The following PIGT variants were observed in gnomAD, a reference collection of about 807,000 sequenced individuals.
PIGT encodes the protein phosphatidylinositol glycan anchor biosynthesis class T, also known as GPI-anchor transamidase component PIGT.
PIGT carries 57 observed loss-of-function variants against 66.7 expected under a neutral mutation model. That is an observed-to-expected ratio of 0.86 (90% CI 0.69 to 1.07). The LOEUF is 1.07. PIGT is among the 50% of genes least tolerant of loss of function. The probability of loss-of-function intolerance (pLI) is 0.00; values close to 1 mark genes in which losing one functional copy is unlikely to be tolerated. For synonymous variants in PIGT, 362 were observed against 320.5 expected (o/e 1.13, Z -1.38); for missense variants, 725 against 740.4 (o/e 0.98, Z 0.24).
In PIGT at chr20:45,416,608, T is replaced by C. The variant is rs768183630; in HGVS notation, c.279T>C (p.Phe93=). The change falls in exon 2 of 12, where the codon TTT becomes TTC. Residue 93 remains phenylalanine, a synonymous_variant. Transcript: ENST00000279036. ...RELHLSFTQG[F]WRTRYWGPPF... ...TGCACCTGTCATTCACACAAGGCTT[T>C]TGGAGGACCCGATACTGGGGGCCAC... 6.2e-7 allele frequency: 1 copy of C among 1,614,222 alleles called. No individual in the cohort carries two copies. The highest frequency in any genetic ancestry group is 1.1e-5 in the South Asian group (1 of 91,090).
chr20:45,420,445 G>A lies in PIGT; in HGVS notation c.867+16G>A. The A allele has an allele frequency of 6.2e-7, 1 of 1,611,588 alleles. No individual in the cohort carries two copies. The highest frequency in any genetic ancestry group is 8.5e-7 in the Non-Finnish European group (1 of 1,178,420). ...CTACAACCAGGTAACAAGGTCTCCA[G>A]CCACACACACAAACACACCGCTGGT... is the stretch of plus-strand genomic sequence containing the variant. On this transcript the variant is annotated intron_variant, in intron 7 of 11. Coordinates refer to ENST00000279036, the MANE Select transcript of PIGT (RefSeq NM_015937.6).
intron 5 of PIGT, 29 bp from the exon 6 acceptor site, chr20:45,420,107 T>C (rs1196205597): frequency 2.0e-6 from 3 of 1,533,302 alleles, no homozygotes; most frequent in Non-Finnish European, 1.8e-6. Flanking sequence ...TGATACCCCC[T>C]CACTGCTGCC....
At chr20:45,416,414 G>A in intron 1 of PIGT, 71 bp downstream of exon 1, 6 of 1,554,490 alleles carry the variant, frequency 3.9e-6, no homozygotes, top group Non-Finnish European at 4.4e-6. Flanking sequence ...TGGGATGAAG[G>A]CAAACTTTGG....
rs1453729727 is a variant in PIGT, at chr20:45,416,312, G to C, written c.156G>C (p.Thr52=). Residue 52 remains threonine (T), a synonymous_variant, in exon 1 of 12, where the codon ACG becomes ACC. Transcript: ENST00000279036. ...GDVAATFQFR[T]RWDSELQREG... ...TAGCCGCCACATTCCAGTTCCGCAC[G>C]CGCTGGGATTCGGAGCTTCAGCGGG... 6.3e-7 allele frequency: 1 copy of C among 1,595,128 alleles called. No homozygotes were observed. The highest frequency in any genetic ancestry group is 8.6e-7 in the Non-Finnish European group (1 of 1,169,264).
rs1416702467 is a variant in PIGT at position 45,424,254 on chromosome 20, C to G, written c.1273C>G (p.Pro425Ala). 1.2e-6 allele frequency: 2 copies of G among 1,614,044 alleles called. No individual in the cohort carries two copies. Among genetic ancestry groups the G allele is most frequent in the Non-Finnish European group, 1.7e-6 (2 of 1,180,020 alleles). ...CCAGCCTGCCCAGGACCGGCTGCAA[C>G]CCCACCTCCTGGAGATGCTGATTCA... ...HYQPAQDRLQ[P>A]HLLEMLIQLP... Residue 425 changes from proline (P) to alanine (A), a missense_variant, in exon 10 of 12, where the codon CCC (proline) becomes GCC (alanine). By Grantham distance (27) the Pro-to-Ala change is conservative. Transcript: ENST00000279036.
chr20:45,425,379 T>A (rs916908967), intron 11 of PIGT, 195 bp from the exon 12 acceptor site: 1 of 589,852 alleles, frequency 1.7e-6, no homozygotes, highest in African/African-American at 1.9e-5. Context: ...CCTAATGCTC[T>A]CCCTCCCCTT....
chr20:45,420,269 G>T (rs746512712), intron 6 of PIGT, 46 bp downstream of exon 6: 2 of 1,595,142 alleles, frequency 1.3e-6, no homozygotes, highest in Admixed American at 1.7e-5. Flanking sequence ...TGCCAGCCCT[G>T]CCTTATCTAT....
chr20:45,425,611 C>T lies in PIGT; in HGVS notation c.1522C>T (p.Leu508Phe), dbSNP rs777158096. The change falls in exon 12 of 12, where the codon CTC becomes TTC. Residue 508 changes from leucine to phenylalanine, a missense_variant. This residue lies in a region of PIGT where 162 missense variants were observed against 171.1 expected (regional missense o/e 0.95). Coordinates refer to ENST00000279036, the MANE Select transcript of PIGT (RefSeq NM_015937.6). ...TGATGGCTCTAACTACTTTGTGCGG[C>T]TCTACACGGAGCCGCTGCTGGTGAA... is the stretch of plus-strand genomic sequence containing the variant. ...VSDGSNYFVR[L>F]YTEPLLVNLP... The T allele has an allele frequency of 1.2e-6, 2 of 1,613,820 alleles. No individual in the cohort carries two copies. Among genetic ancestry groups the T allele is most frequent in the South Asian group, 2.2e-5 (2 of 91,070 alleles).
intron 11 of PIGT, 137 bp downstream of exon 11, chr20:45,424,716 A>G (rs1990603165): frequency 7.7e-6 from 5 of 648,066 alleles, no homozygotes; most frequent in Non-Finnish European, 1.4e-5. Context: ...ATTCAATCCT[A>G]ATAAAAATCC....
At chr20:45,416,378 C>T (rs764092154) in intron 1 of PIGT, 35 bp downstream of exon 1, 50 of 1,555,982 alleles carry the variant, frequency 3.2e-5, no homozygotes, top group Admixed American at 2.0e-4. Flanking sequence ...GAAAGATTTC[C>T]GTAGTGCCTG....
rs1989995540 is a variant in PIGT, at chr20:45,416,629, G to C, written c.300G>C (p.Gly100=). The C allele has an allele frequency of 6.2e-7, 1 of 1,614,156 alleles. No homozygotes were observed. Among genetic ancestry groups the C allele is most frequent in the African/African-American group, 1.3e-5 (1 of 75,048 alleles). The change falls in exon 2 of 12, where the codon GGG becomes GGC. Residue 100 remains glycine (G), a synonymous_variant. Transcript: ENST00000279036. The stretch of plus-strand genomic sequence containing the variant: ...GCTTTTGGAGGACCCGATACTGGGG[G>C]CCACCCTTCCTGCAGGCCCCATCAG... ...TQGFWRTRYW[G]PPFLQAPSGA...
chr20:45,422,023 T>A (rs973006129), intron 9 of PIGT: 1 of 152,228 alleles, frequency 6.6e-6, no homozygotes, highest in East Asian at 1.9e-4. Context: ...TAAATTTTTT[T>A]ATTTCTATTT....
Position 45,426,036 on chromosome 20 carries a change from C to G in PIGT, c.*210C>G, listed in dbSNP as rs975161404. ...TTAACTTAGAAATTCATTTCCTCAC[C>G]TGTAGTGGCCACCTCTATATTGAGG... On this transcript the variant is annotated 3_prime_UTR_variant, in exon 12 of 12. Transcript: ENST00000279036. 4.9e-6 allele frequency: 3 copies of G among 612,306 alleles called. No homozygotes were observed. The African/African-American group carries it at 5.5e-5, about 11-fold the overall frequency. The allele number at this position is 612,306 out of a possible 1,614,324, so 37.9% of individuals were successfully genotyped here.
chr20:45,425,790 C>CCTTATCCG lies in PIGT; in HGVS notation c.1702_1709dup (p.Arg571LeufsTer76), dbSNP rs1462670774. ...GTGGCCTGGCCAAGCGGCTGGCCAA[C>CCTTATCCG]CTTATCCGGCGCGCCCGAGGTGTCC... On this transcript the variant is annotated frameshift_variant, in exon 12 of 12. Coordinates refer to ENST00000279036, the MANE Select transcript of PIGT (RefSeq NM_015937.6). LOFTEE classifies it high-confidence loss of function. 3 of 1,613,974 alleles carry CCTTATCCG rather than the reference C, an allele frequency of 1.9e-6. No homozygotes were observed. The highest frequency in any genetic ancestry group is 2.5e-6 in the Non-Finnish European group (3 of 1,179,902).
chr20:45,423,987 T>C (rs760974647), intron 9 of PIGT: 1 of 557,162 alleles, frequency 1.8e-6, no homozygotes, highest in Non-Finnish European at 3.2e-6. Context: ...TGATTAGCCA[T>C]CTGCAGCACT....
intron 9 of PIGT, chr20:45,422,374 T>G (rs948044302): frequency 2.0e-5 from 3 of 152,188 alleles, no homozygotes; most frequent in Admixed American, 1.3e-4. Context: ...CTTTTAAATC[T>G]TCTCCTTTGG....
chr20:45,416,189 C>T lies in PIGT; in HGVS notation c.33C>T (p.Val11=), dbSNP rs17526473. 5.2e-4 allele frequency: 821 copies of T among 1,586,694 alleles called. 11 individuals carry two copies. In the East Asian group the frequency reaches 0.018, roughly 35 times the overall value. Residue 11 remains valine (V), a synonymous_variant, in exon 1 of 12, where the codon GTC becomes GTT. Transcript: ENST00000279036. MAAAMPLALL[V]LLLLGPGGWC... ...CGGCTATGCCGCTTGCTCTGCTCGT[C>T]CTGTTGCTCCTGGGGCCCGGCGGCT... is the stretch of plus-strand genomic sequence containing the variant.
At chr20:45,421,622 C>G (rs573610505) in intron 9 of PIGT, 39 bp downstream of exon 9, 2 of 1,532,382 alleles carry the variant, frequency 1.3e-6, no homozygotes, top group East Asian at 4.5e-5. Context: ...CCAGCCCGCC[C>G]TCTCATGTCC....
chr20:45,419,078 G>C (rs1990170887), intron 3 of PIGT, 99 bp downstream of exon 3: 1 of 1,485,090 alleles, frequency 6.7e-7, no homozygotes, highest in Non-Finnish European at 9.3e-7. Flanking sequence ...GCCTGGGCTA[G>C]ATCCTAAGTC....
Sources: gnomAD v4.1 joint callset for allele counts on GRCh38, gnomAD v4.1.1 for gene constraint, gnomAD v4.1.1 regional missense constraint, MANE v1.5 for transcripts, NCBI Gene and HGNC (gene_info 2026-07-23, HGNC 2026-07-21) for gene names.